Variants in MAPK10 observed in about 807,000 individuals in gnomAD.
MAPK10 encodes JNK3 alpha protein kinase.
A neutral mutation model predicts 59.3 loss-of-function variants in MAPK10; 25 were observed. The ratio of observed to expected loss-of-function variants is 0.42; its 90% CI spans 0.31 to 0.59. MAPK10 has a LOEUF of 0.59. Among genes scored for constraint, MAPK10 ranks in the 20% least tolerant of loss-of-function variants. MAPK10 has a pLI of 0.15. For synonymous variants in MAPK10, 190 were observed against 200.5 expected (o/e 0.95, Z 0.44); for missense variants, 351 against 568.9 (o/e 0.62, Z 3.90).
chr4:86,176,210 A>G (rs535496336), intron 3 of MAPK10: 1 of 152,188 alleles, frequency 6.6e-6, no homozygotes, highest in Non-Finnish European at 1.5e-5. Flanking sequence ...AAAATAGTGT[A>G]CTTAAGGAGT....
intron 1 of MAPK10, among the ~76,000 whole-genome samples, chr4:86,567,512 A>G (rs928965718): frequency 6.6e-6 from 1 of 152,120 alleles, no homozygotes; most frequent in Non-Finnish European, 1.5e-5. Flanking sequence ...GAGCCACCAC[A>G]CCTGGCTGAA....
chr4:86,414,950 C>T (rs1200096358), intron 1 of MAPK10, among the ~76,000 whole-genome samples: 1 of 151,616 alleles, frequency 6.6e-6, no homozygotes, highest in Non-Finnish European at 1.5e-5. Flanking sequence ...CTGGTGATAA[C>T]AACATAGGGA....
Position 86,531,058 on chromosome 4 carries a change from A to G in MAPK10, c.-263+62852T>C, listed in dbSNP as rs28397619. On this transcript the variant is annotated intron_variant, in intron 1 of 4. Coordinates refer to the MAPK10 transcript ENST00000502302. ...AAAAGTGGGGAGCTGGATGATCTCC[A>G]TGGTCACCAAGCTATCACTTGGCAC... 9.3e-3 allele frequency among the ~76,000 whole-genome samples: 1,416 copies of G among 152,310 alleles called. 28 individuals carry two copies. Among genetic ancestry groups the G allele is most frequent in the African/African-American group, 0.032 (1,328 of 41,570 alleles).
Position 86,017,159 on chromosome 4 carries a change from G to T in MAPK10, c.*69C>A, listed in dbSNP as rs533416250. On this transcript the variant is annotated 3_prime_UTR_variant, in exon 14 of 14. Coordinates refer to ENST00000641462, the MANE Select transcript of MAPK10 (RefSeq NM_138982.4). The surrounding 1 kb of genome is among the most constrained non-coding windows in gnomAD (Gnocchi z 4.4). ...TGTCTGCATTTGTGTGTGTGTGTGT[G>T]TCTGCGTGTGTGTGTGTTCCATCAC... 4 of 1,490,714 alleles carry T rather than the reference G, an allele frequency of 2.7e-6. No individual in the cohort carries two copies. In the East Asian group the frequency reaches 9.1e-5, roughly 34 times the overall value. 92.3% of individuals were successfully genotyped at this position (1,490,714 alleles called of 1,614,324 possible). A position where few individuals can be genotyped will look rare whatever the true frequency, so the allele number is the denominator to read the frequency against.
At chr4:86,318,323 A>G (rs888919548) in intron 2 of MAPK10, among the ~76,000 whole-genome samples, 4 of 152,144 alleles carry the variant, frequency 2.6e-5, no homozygotes, top group Admixed American at 6.6e-5. Flanking sequence ...CGTTGCCTAC[A>G]TATTTTAAAG....
intron 11 of MAPK10, among the ~76,000 whole-genome samples, chr4:86,056,175 C>T (rs1174322750): frequency 6.7e-6 from 1 of 149,990 alleles, no homozygotes. Flanking sequence ...TCACTTAAAT[C>T]ATGTCTTCCA....
At chr4:86,118,798 G>A (rs1364295669) in intron 4 of MAPK10, among the ~76,000 whole-genome samples, 3 of 151,974 alleles carry the variant, frequency 2.0e-5, no homozygotes, top group African/African-American at 7.3e-5. Context: ...TATTTGTGGG[G>A]GAAATCCCTA....
intron 9 of MAPK10, among the ~76,000 whole-genome samples, chr4:86,069,485 T>C (rs1050801870): frequency 2.0e-5 from 3 of 152,046 alleles, no homozygotes; most frequent in Non-Finnish European, 4.4e-5. Context: ...TCAGAATCAC[T>C]AGAAATAATG....
Position 86,104,773 on chromosome 4 carries a change from T to C in MAPK10, c.367-1529A>G, listed in dbSNP as rs1459162524. ...TGTTTTAAAAGGTAATTTATCAAGA[T>C]CTATTCCCTACTGTATGTTCTTATT... On this transcript the variant is annotated intron_variant, in intron 5 of 13. Transcript: ENST00000641462. Among the ~76,000 whole-genome samples, 3 of 152,222 alleles carry C rather than the reference T, an allele frequency of 2.0e-5. No homozygotes were observed. In the East Asian group the frequency reaches 5.8e-4, roughly 29 times the overall value.
In MAPK10 at chr4:86,170,126, T is replaced by C. The variant is rs558089021; in HGVS notation, c.67-10659A>G. Among the ~76,000 whole-genome samples the C allele has an allele frequency of 1.9e-3, 293 of 151,416 alleles. 1 individual carries two copies. Among genetic ancestry groups the C allele is most frequent in the Non-Finnish European group, 3.3e-3 (223 of 67,834 alleles). On this transcript the variant is annotated intron_variant, in intron 3 of 13. Coordinates refer to ENST00000641462, the MANE Select transcript of MAPK10 (RefSeq NM_138982.4). The stretch of plus-strand genomic sequence containing the variant: ...AAATCATGCCAAAATGTAAAGACCA[T>C]CGAGACTAGGAAGAAACTGCATCAA...
chr4:86,010,651 T>C lies in MAPK10; in HGVS notation c.*6577A>G, dbSNP rs1267502370. The C allele has an allele frequency of 6.6e-6, 1 of 152,232 alleles. No individual in the cohort carries two copies. Among genetic ancestry groups the C allele is most frequent in the Admixed American group, 6.5e-5 (1 of 15,282 alleles). The allele number at this position is 152,232 out of a possible 1,614,324, so 9.4% of individuals were successfully genotyped here. ...TTGCTTTCTGAAAACCTTCCTTTTA[T>C]AAAAGAAATACTTTAATATTATGAA... On this transcript the variant is annotated 3_prime_UTR_variant, in exon 14 of 14. Coordinates refer to ENST00000641462, the MANE Select transcript of MAPK10 (RefSeq NM_138982.4).
intron 1 of MAPK10, among the ~76,000 whole-genome samples, chr4:86,388,182 AT>A (rs1186527760): frequency 1.3e-5 from 2 of 151,550 alleles, no homozygotes; most frequent in African/African-American, 2.4e-5. Flanking sequence ...TAGGAAAAAA[AT>A]GTGTGTGTGT....
chr4:86,198,027 A>G (rs1378141726), intron 2 of MAPK10, among the ~76,000 whole-genome samples: 6 of 152,142 alleles, frequency 3.9e-5, no homozygotes. Context: ...AATCATGCTG[A>G]TCCACCCCAA....
intron 1 of MAPK10, among the ~76,000 whole-genome samples, chr4:86,493,523 T>A (rs1329352366): frequency 6.6e-6 from 1 of 152,212 alleles, no homozygotes; most frequent in Non-Finnish European, 1.5e-5. Flanking sequence ...GATTCTAGAA[T>A]CTACTCCACT....
At chr4:86,484,475 C>T (rs1753839376) in intron 1 of MAPK10, among the ~76,000 whole-genome samples, 1 of 152,142 alleles carries the variant, frequency 6.6e-6, no homozygotes, top group Non-Finnish European at 1.5e-5. Context: ...GGCCAACTGA[C>T]TAGGCTTGAA....
intron 2 of MAPK10, among the ~76,000 whole-genome samples, chr4:86,231,064 C>G (rs1192348657): frequency 6.6e-6 from 1 of 152,064 alleles, no homozygotes; most frequent in Non-Finnish European, 1.5e-5. Context: ...CAGCCAAGAC[C>G]AACGCTAACA....
rs1340842554 is a variant in MAPK10, at chr4:86,012,569, A to G, written c.*4659T>C. 6.6e-6 allele frequency: 1 copy of G among 152,238 alleles called. No individual in the cohort carries two copies. The highest frequency in any genetic ancestry group is 1.5e-5 in the Non-Finnish European group (1 of 68,034). The allele number at this position is 152,238 out of a possible 1,614,324, so 9.4% of individuals were successfully genotyped here. A position where few individuals can be genotyped will look rare whatever the true frequency, so the allele number is the denominator to read the frequency against. ...ATATATTGACTCCATATTACCTAAA[A>G]AGAGTCAAAAGAAGCAGAAGTTCTC... On this transcript the variant is annotated 3_prime_UTR_variant, in exon 14 of 14. Coordinates refer to ENST00000641462, the MANE Select transcript of MAPK10 (RefSeq NM_138982.4).
chr4:86,435,561 T>C (rs1231936433), intron 1 of MAPK10, among the ~76,000 whole-genome samples: 1 of 152,042 alleles, frequency 6.6e-6, no homozygotes, highest in Admixed American at 6.6e-5. Flanking sequence ...AAAAGAATAA[T>C]TTTTTTAAAA....
chr4:86,575,144 C>T (rs139662402), intron 1 of MAPK10, among the ~76,000 whole-genome samples: 5 of 152,234 alleles, frequency 3.3e-5, no homozygotes, highest in African/African-American at 1.2e-4. Flanking sequence ...CTGTTTGAGC[C>T]GGGACATTGG....
Sources: gnomAD v4.1 joint callset for allele counts (sites outside exome capture counted in the v4.1 genomes callset) on GRCh38, gnomAD v4.1.1 for gene constraint, Gnocchi (gnomAD v3.1) non-coding constraint, MANE v1.5 for transcripts, NCBI Gene and HGNC (gene_info 2026-07-23, HGNC 2026-07-21) for gene names.